Variants in OPCML observed in about 807,000 individuals in gnomAD.
OPCML encodes the protein opioid binding protein/cell adhesion molecule like.
In OPCML, 13 loss-of-function variants were observed where a neutral mutation model predicts 37.8. The ratio of observed to expected loss-of-function variants is 0.34; its 90% CI spans 0.22 to 0.55. The LOEUF (loss-of-function observed/expected upper bound fraction) is 0.55. OPCML is among the 20% of genes least tolerant of loss of function. OPCML has a pLI of 0.91. For synonymous variants in OPCML, 176 were observed against 168.8 expected (o/e 1.04, Z -0.33); for missense variants, 341 against 435.6 (o/e 0.78, Z 1.93).
chr11:132,539,758 T>C (rs1330658147), intron 3 of OPCML, among the ~76,000 whole-genome samples: 1 of 151,980 alleles, frequency 6.6e-6, no homozygotes, highest in Non-Finnish European at 1.5e-5. Flanking sequence ...ATGATAATGG[T>C]GATGATGATA....
rs886757301 is a variant in OPCML, at chr11:133,444,816, C to G, written c.61+87448G>C. Among the ~76,000 whole-genome samples, 58 of 152,022 alleles carry G rather than the reference C, an allele frequency of 3.8e-4. 1 individual carries two copies. Among genetic ancestry groups the G allele is most frequent in the Non-Finnish European group, 4.4e-5 (3 of 68,024 alleles). On this transcript the variant is annotated intron_variant, in intron 1 of 7. Transcript: ENST00000524381. ...GTTTTTTGGTTTTTTTTGCATGCAG[C>G]TGTATCCATGGTGATCCTGGATGGT...
chr11:132,428,393 T>C (rs528698056), intron 7 of OPCML, among the ~76,000 whole-genome samples: 1 of 152,336 alleles, frequency 6.6e-6, no homozygotes, highest in African/African-American at 2.4e-5. Context: ...CAACGCTCAC[T>C]GGAAGATATA....
At chr11:133,471,630 AC>A (rs1223539785) in intron 1 of OPCML, among the ~76,000 whole-genome samples, 1 of 152,210 alleles carries the variant, frequency 6.6e-6, no homozygotes, top group African/African-American at 2.4e-5. Context: ...CTTAAAAAAA[AC>A]AAGAGTAAAA....
At chr11:132,485,551 G>A (rs1455426190) in intron 4 of OPCML, among the ~76,000 whole-genome samples, 1 of 152,104 alleles carries the variant, frequency 6.6e-6, no homozygotes, top group African/African-American at 2.4e-5. Flanking sequence ...CCACCATGTG[G>A]CTCCTGCCAC....
At chr11:132,972,206 G>C (rs57981661) in intron 1 of OPCML, among the ~76,000 whole-genome samples, 1 of 152,078 alleles carries the variant, frequency 6.6e-6, no homozygotes, top group Non-Finnish European at 1.5e-5. Flanking sequence ...CAGCTTCTTC[G>C]TTGTAAAACA....
chr11:133,341,435 AC>A (rs1943867151), intron 1 of OPCML, among the ~76,000 whole-genome samples: 1 of 152,048 alleles, frequency 6.6e-6, no homozygotes, highest in African/African-American at 2.4e-5. Flanking sequence ...AGGAGCTCCT[AC>A]CCTTTGACTG....
intron 2 of OPCML, among the ~76,000 whole-genome samples, chr11:132,782,213 C>T (rs1033406410): frequency 3.3e-5 from 5 of 151,402 alleles, no homozygotes; most frequent in Non-Finnish European, 5.9e-5. Context: ...AGGAAGCGAA[C>T]GCACCGAGAC....
chr11:132,484,408 T>C, intron 4 of OPCML, among the ~76,000 whole-genome samples: 1 of 152,118 alleles, frequency 6.6e-6, no homozygotes, highest in East Asian at 1.9e-4. Flanking sequence ...CATTAAAAAG[T>C]CAGGAAACAA....
chr11:132,622,093 C>T (rs1164403012), intron 3 of OPCML, among the ~76,000 whole-genome samples: 1 of 151,886 alleles, frequency 6.6e-6, no homozygotes, highest in Non-Finnish European at 1.5e-5. Context: ...ATGAATCACA[C>T]AGACTGCTAA....
At chr11:132,716,645 A>G (rs1455906984) in intron 2 of OPCML, among the ~76,000 whole-genome samples, 1 of 152,224 alleles carries the variant, frequency 6.6e-6, no homozygotes, top group African/African-American at 2.4e-5. Flanking sequence ...CCTATTTGAT[A>G]TAACTTTAAT....
At position 132,419,006 on chromosome 11, in the gene OPCML, C is replaced by G. The variant is rs750382510; in HGVS notation, c.*1187G>C. On this transcript the variant is annotated 3_prime_UTR_variant, in exon 8 of 8. Transcript: ENST00000524381. ...ACTGATCATTAGCTTGCTACTTTGG[C>G]CTATCTGTTAGTGTCTCCCTTGGGT... 2 of 152,620 alleles carry G rather than the reference C, an allele frequency of 1.3e-5. No individual in the cohort carries two copies. Among genetic ancestry groups the G allele is most frequent in the Non-Finnish European group, 2.9e-5 (2 of 68,040 alleles). The allele number at this position is 152,620 out of a possible 1,614,324, so 9.5% of individuals were successfully genotyped here. A position where few individuals can be genotyped will look rare whatever the true frequency, so the allele number is the denominator to read the frequency against.
intron 1 of OPCML, among the ~76,000 whole-genome samples, chr11:133,336,666 T>C (rs1309453156): frequency 6.6e-6 from 1 of 152,220 alleles, no homozygotes; most frequent in Non-Finnish European, 1.5e-5. Flanking sequence ...AGCATTTCAC[T>C]TGGAGTGAGA....
chr11:132,517,821 T>G (rs2096283433), intron 4 of OPCML, among the ~76,000 whole-genome samples: 1 of 152,206 alleles, frequency 6.6e-6, no homozygotes, highest in African/African-American at 2.4e-5. Flanking sequence ...GAATAGATAC[T>G]ATCAGAATCC....
intron 1 of OPCML, among the ~76,000 whole-genome samples, chr11:132,977,990 G>GT (rs2136778168): frequency 6.6e-6 from 1 of 152,288 alleles, no homozygotes; most frequent in South Asian, 2.1e-4. Flanking sequence ...TGTGGAAAAT[G>GT]TAAGAGCTGC....
intron 1 of OPCML, among the ~76,000 whole-genome samples, chr11:133,152,065 T>C (rs764161828): frequency 6.6e-6 from 1 of 152,214 alleles, no homozygotes; most frequent in Non-Finnish European, 1.5e-5. Flanking sequence ...TGATGACTAG[T>C]TGTCCCTTTT....
intron 1 of OPCML, among the ~76,000 whole-genome samples, chr11:132,984,373 A>T (rs1565381751): frequency 1.3e-5 from 2 of 152,232 alleles, no homozygotes; most frequent in Non-Finnish European, 2.9e-5. Flanking sequence ...ATTCCTCAGT[A>T]CTGGGACCTT....
At chr11:133,047,951 C>A (rs547308854) in intron 1 of OPCML, among the ~76,000 whole-genome samples, 1 of 152,086 alleles carries the variant, frequency 6.6e-6, no homozygotes, top group Non-Finnish European at 1.5e-5. Flanking sequence ...CAGGGCACTG[C>A]GAGAGGGTTT....
intron 3 of OPCML, among the ~76,000 whole-genome samples, chr11:132,642,877 A>G (rs1277277149): frequency 1.3e-5 from 2 of 152,208 alleles, no homozygotes; most frequent in Non-Finnish European, 2.9e-5. Flanking sequence ...ACTCTTTTCC[A>G]TATATAGGAA....
intron 2 of OPCML, among the ~76,000 whole-genome samples, chr11:132,789,798 C>T (rs761233365): frequency 2.6e-5 from 4 of 152,102 alleles, no homozygotes; most frequent in Non-Finnish European, 5.9e-5. Flanking sequence ...TGTAGCTAGC[C>T]AACATCAGCA....
Sources: gnomAD v4.1 joint callset for allele counts (sites outside exome capture counted in the v4.1 genomes callset) on GRCh38, gnomAD v4.1.1 for gene constraint, MANE v1.5 for transcripts, NCBI Gene and HGNC (gene_info 2026-07-23, HGNC 2026-07-21) for gene names.